The following TRPC3 variants were observed in gnomAD, a reference collection of about 807,000 sequenced individuals.
The protein encoded by TRPC3 is short transient receptor potential channel 3.
In TRPC3, 54 loss-of-function variants were observed where a neutral mutation model predicts 90.9. The ratio of observed to expected loss-of-function variants is 0.59; its 90% CI spans 0.48 to 0.75. TRPC3 has a LOEUF of 0.75. TRPC3 is among the 30% of genes least tolerant of loss of function. The pLI is 0.00. For missense variants in TRPC3, 918 were observed against 1,194.5 expected (o/e 0.77, Z 3.41); for synonymous variants, 424 against 450.9 (o/e 0.94, Z 0.75).
chr4:121,897,792 C>T (rs1478960877), intron 10 of TRPC3, among the ~76,000 whole-genome samples: 2 of 152,032 alleles, frequency 1.3e-5, no homozygotes, highest in African/African-American at 4.8e-5. Flanking sequence ...TCCAGCAACC[C>T]CACTACGGGA....
intron 11 of TRPC3, among the ~76,000 whole-genome samples, chr4:121,882,112 TTACATTCTAA>T (rs1727964521): frequency 6.6e-6 from 1 of 152,124 alleles, no homozygotes; most frequent in African/African-American, 2.4e-5. Flanking sequence ...ATGTCAGTCT[TTACATTCTAA>T]GAATCAGTTA....
At chr4:121,880,435 G>A (rs990315885) in intron 11 of TRPC3, among the ~76,000 whole-genome samples, 1 of 152,190 alleles carries the variant, frequency 6.6e-6, no homozygotes, top group East Asian at 1.9e-4. Context: ...AGTTTGTCCA[G>A]CACAAAGGAC....
chr4:121,933,181 C>T (rs1286032759), intron 1 of TRPC3, 139 bp from the exon 2 acceptor site: 9 of 1,358,658 alleles, frequency 6.6e-6, no homozygotes, highest in African/African-American at 1.5e-5. Flanking sequence ...CTAGCGATAC[C>T]GTTGCTAACT....
chr4:121,910,338 T>C lies in TRPC3; in HGVS notation c.1608A>G (p.Glu536=). The C allele has an allele frequency of 6.2e-7, 1 of 1,613,780 alleles. No homozygotes were observed. The change falls in exon 6 of 12, where the codon GAA becomes GAG. Residue 536 remains glutamate, a synonymous_variant. Coordinates refer to ENST00000379645, the MANE Select transcript of TRPC3 (RefSeq NM_001130698.2). ...CKELWLEGPR[E]YILQLWNVLD... ...GCACATTCCACAACTGCAAAATGTA[T>C]TCCCTAGGTCCTTCCAGCCAGAGCT... is the stretch of plus-strand genomic sequence containing the variant.
At position 121,876,296 on chromosome 4, in the gene TRPC3, A is replaced by G. The variant is rs1444367100; in HGVS notation, c.*3440T>C. Among the ~76,000 whole-genome samples, 1 of 152,138 alleles carries G rather than the reference A, an allele frequency of 6.6e-6. No individual in the cohort carries two copies. Among genetic ancestry groups the G allele is most frequent in the Non-Finnish European group, 1.5e-5 (1 of 68,028 alleles). On this transcript the variant is annotated 3_prime_UTR_variant, in exon 12 of 12. Transcript: ENST00000379645. Reference sequence around the variant, plus strand: ...GACCCGCCTCTAAAAATGTATTTTAAAAACTTTATTTAAAAAATTTAAAAA... The same window carrying G: ...GACCCGCCTCTAAAAATGTATTTTAGAAACTTTATTTAAAAAATTTAAAAA...
chr4:121,919,113 T>C (rs1052152115), intron 3 of TRPC3, among the ~76,000 whole-genome samples: 2 of 152,224 alleles, frequency 1.3e-5, no homozygotes, highest in African/African-American at 4.8e-5. Context: ...AATCTTTCAA[T>C]TGGACAATCA....
intron 2 of TRPC3, among the ~76,000 whole-genome samples, chr4:121,929,687 T>C (rs1223831122): frequency 1.3e-5 from 2 of 152,148 alleles, no homozygotes; most frequent in African/African-American, 4.8e-5. Context: ...TTAAACACCA[T>C]ACCTACTGTA....
chr4:121,920,359 T>TA (rs1183738998), intron 3 of TRPC3, among the ~76,000 whole-genome samples: 5 of 151,702 alleles, frequency 3.3e-5, no homozygotes, highest in African/African-American at 7.3e-5. Flanking sequence ...CCGTCTCTAC[T>TA]AAAAAAACAA....
chr4:121,911,743 C>T (rs745517652), intron 5 of TRPC3, 134 bp downstream of exon 5: 151 of 915,996 alleles, frequency 1.6e-4, no homozygotes, highest in Non-Finnish European at 2.2e-4. Context: ...GGTTATTTTG[C>T]TATTTAGCTT....
chr4:121,911,785 G>C, intron 5 of TRPC3, 92 bp downstream of exon 5: 4 of 1,262,708 alleles, frequency 3.2e-6, no homozygotes, highest in Admixed American at 2.3e-5. Context: ...CACCATATAA[G>C]ATATAATAAC....
At chr4:121,930,851 A>AC (rs958143898) in intron 2 of TRPC3, 7 of 398,330 alleles carry the variant, frequency 1.8e-5, no homozygotes, top group Non-Finnish European at 3.3e-5. Flanking sequence ...AAAAAAAAAA[A>AC]AACATTTTGG....
intron 4 of TRPC3, 148 bp from the exon 5 acceptor site, chr4:121,912,241 T>C (rs1327196008): frequency 3.0e-6 from 2 of 656,666 alleles, no homozygotes; most frequent in African/African-American, 3.6e-5. Flanking sequence ...ATGAAAAATA[T>C]TCTTTTTTAG....
chr4:121,891,526 G>T (rs998734527), intron 10 of TRPC3, among the ~76,000 whole-genome samples: 11 of 152,130 alleles, frequency 7.2e-5, no homozygotes, highest in African/African-American at 2.7e-4. Context: ...TTGGCATAAG[G>T]ATTATTTTGA....
At chr4:121,934,721 A>C (rs1190208502) in intron 1 of TRPC3, among the ~76,000 whole-genome samples, 1 of 152,172 alleles carries the variant, frequency 6.6e-6, no homozygotes, top group Non-Finnish European at 1.5e-5. Context: ...GGCAAGAGGA[A>C]TCAGAGGCAC....
In TRPC3 at chr4:121,932,754, C is replaced by T; in HGVS notation, c.504G>A (p.Lys168=). ...CGCCAATGCGCGCCAGGTTCTCCTT[C>T]TTGAGCAGCAGCTCGGTCACCTCCA... ...EHLEVTELLL[K]KENLARIGDA... Residue 168 remains lysine, a synonymous_variant, in exon 2 of 12, where the codon AAG becomes AAA. Coordinates refer to ENST00000379645, the MANE Select transcript of TRPC3 (RefSeq NM_001130698.2). This position sits in a 1 kb window ranked among gnomAD's most constrained non-coding sequence, Gnocchi z 7.7. The T allele has an allele frequency of 6.2e-7, 1 of 1,613,814 alleles. No homozygotes were observed.
At chr4:121,915,228 T>C (rs1428389133) in intron 3 of TRPC3, among the ~76,000 whole-genome samples, 1 of 152,172 alleles carries the variant, frequency 6.6e-6, no homozygotes, top group East Asian at 1.9e-4. Context: ...ATTCACAGAT[T>C]TCTCTGTGGA....
chr4:121,935,831 T>C (rs1194249434), intron 1 of TRPC3, among the ~76,000 whole-genome samples: 1 of 152,182 alleles, frequency 6.6e-6, no homozygotes, highest in Non-Finnish European at 1.5e-5. Context: ...AAATCACTTA[T>C]AAAAATCTTA....
chr4:121,898,788 A>G (rs1283351375), intron 10 of TRPC3, among the ~76,000 whole-genome samples: 1 of 152,220 alleles, frequency 6.6e-6, no homozygotes, highest in Non-Finnish European at 1.5e-5. Context: ...ATGAGTAAGT[A>G]TAATTATTTA....
At chr4:121,921,313 G>C (rs894774048) in intron 3 of TRPC3, among the ~76,000 whole-genome samples, 6 of 151,816 alleles carry the variant, frequency 4.0e-5, no homozygotes, top group Non-Finnish European at 8.8e-5. Context: ...ACGAGGTCAG[G>C]AGATCGAGAC....
Sources: gnomAD v4.1 joint callset for allele counts (sites outside exome capture counted in the v4.1 genomes callset) on GRCh38, gnomAD v4.1.1 for gene constraint, Gnocchi (gnomAD v3.1) non-coding constraint, MANE v1.5 for transcripts, NCBI Gene and HGNC (gene_info 2026-07-23, HGNC 2026-07-21) for gene names.